The following SYNE1 variants were observed in gnomAD, a reference collection of about 807,000 sequenced individuals.
SYNE1 encodes the protein nesprin-1.
SYNE1 carries 616 observed loss-of-function variants against 1,111.0 expected under a neutral mutation model. The ratio of observed to expected loss-of-function variants is 0.55; its 90% CI spans 0.52 to 0.59. The LOEUF is 0.59. Ranked by LOEUF, SYNE1 falls within the 20% of genes least tolerant of loss-of-function variation. The pLI is 0.00. For synonymous variants in SYNE1, 3,855 were observed against 3,825.8 expected (o/e 1.01, Z -0.28); for missense variants, 10,006 against 10,417.0 (o/e 0.96, Z 1.72).
chr6:152,500,084 G>A (rs979771761), intron 10 of SYNE1, among the ~76,000 whole-genome samples: 1 of 152,120 alleles, frequency 6.6e-6, no homozygotes, highest in Non-Finnish European at 1.5e-5. Flanking sequence ...TAATGTCAGA[G>A]ACTCTAAAAC....
rs764450889 is a variant in SYNE1, at chr6:152,189,288, C to T, written c.23265G>A (p.Glu7755=). Residue 7755 remains glutamate, a synonymous_variant, in exon 128 of 146, where the codon GAG becomes GAA. Transcript: ENST00000367255. ...GTTCTTCCCACTGCCTTTGCAGAAG[C>T]TCTACGCGTTCATTAAGAATGGAGA... is the stretch of plus-strand genomic sequence containing the variant. ...DDISILNERV[E]LLQRQWEELC... The T allele has an allele frequency of 8.7e-6, 14 of 1,613,844 alleles. No individual in the cohort carries two copies. The East Asian group carries it at 2.2e-4, about 26-fold the overall frequency.
At chr6:152,508,430 C>T (rs1287739586) in intron 8 of SYNE1, among the ~76,000 whole-genome samples, 2 of 152,190 alleles carry the variant, frequency 1.3e-5, no homozygotes, top group East Asian at 3.8e-4. Flanking sequence ...CAGACTCTTG[C>T]ACATCTTTGA....
intron 95 of SYNE1, 119 bp downstream of exon 95, chr6:152,293,469 A>G (rs1339833380): frequency 7.7e-6 from 8 of 1,033,956 alleles, no homozygotes; most frequent in Non-Finnish European, 1.2e-5. Context: ...AAGAACTGAT[A>G]AGGTTAAAAA....
intron 55 of SYNE1, 180 bp from the exon 56 acceptor site, chr6:152,381,542 A>G (rs2097416298): frequency 2.9e-6 from 2 of 687,866 alleles, no homozygotes; most frequent in African/African-American, 1.8e-5. Context: ...TGTCATCACG[A>G]GTGCCTAAGG....
intron 93 of SYNE1, among the ~76,000 whole-genome samples, chr6:152,298,894 A>G: frequency 6.6e-6 from 1 of 152,170 alleles, no homozygotes; most frequent in East Asian, 1.9e-4. Context: ...TGTGTGTCTT[A>G]ATCTAAGTAA....
In SYNE1 at chr6:152,381,001, C is replaced by T; in HGVS notation, c.9009+5G>A. The T allele has an allele frequency of 1.2e-6, 2 of 1,613,770 alleles. No homozygotes were observed. The highest frequency in any genetic ancestry group is 1.7e-6 in the Non-Finnish European group (2 of 1,179,718). ...CCACCAATAGAAAACAGGAAGCCAA[C>T]TTACTTGTCCTTTGTGCCAGCATTC... On this transcript the variant is annotated splice_donor_5th_base_variant and intron_variant, in intron 56 of 145. Coordinates refer to ENST00000367255, the MANE Select transcript of SYNE1 (RefSeq NM_182961.4).
chr6:152,406,063 T>C (rs995396177), intron 45 of SYNE1, among the ~76,000 whole-genome samples: 9 of 152,132 alleles, frequency 5.9e-5, no homozygotes, highest in Non-Finnish European at 1.2e-4. Flanking sequence ...ATATTTTCAA[T>C]GTCTAAAACA....
chr6:152,522,345 A>G (rs1441834353), intron 5 of SYNE1, among the ~76,000 whole-genome samples: 3 of 152,138 alleles, frequency 2.0e-5, no homozygotes, highest in Non-Finnish European at 4.4e-5. Context: ...CGCTTAGAAT[A>G]ATGGCCTCCA....
At chr6:152,166,386 T>C (rs528001586) in intron 130 of SYNE1, among the ~76,000 whole-genome samples, 2 of 152,252 alleles carry the variant, frequency 1.3e-5, no homozygotes, top group Non-Finnish European at 2.9e-5. Flanking sequence ...AATTTTTATT[T>C]GATATTAAGT....
At position 152,517,842 on chromosome 6, in the gene SYNE1, A is replaced by C. The variant is rs768459984; in HGVS notation, c.309+2617T>G. 5.1e-4 allele frequency among the ~76,000 whole-genome samples: 77 copies of C among 152,170 alleles called. 2 individuals carry two copies. Among genetic ancestry groups the C allele is most frequent in the Admixed American group, 5.0e-3 (77 of 15,274 alleles). On this transcript the variant is annotated intron_variant, in intron 6 of 145. Coordinates refer to ENST00000367255, the MANE Select transcript of SYNE1 (RefSeq NM_182961.4). ...AGAAACTAGAGAGACTGGTTATCTA[A>C]AGGTAGGAAATGCAGTTAGAGGCAG...
chr6:152,443,421 C>T (rs1312854734), intron 30 of SYNE1, among the ~76,000 whole-genome samples: 7 of 152,078 alleles, frequency 4.6e-5, no homozygotes, highest in Admixed American at 2.0e-4. Flanking sequence ...CCCACCACCA[C>T]GCTCGGCTAA....
Position 152,357,467 on chromosome 6 carries a change from A to G in SYNE1, c.10608+906T>C, listed in dbSNP as rs146654217. ...ATGGCACATTTGTAAGTTCCAACAC[A>G]TCACTGGTGGGACATAAAGTGGTCT... On this transcript the variant is annotated intron_variant, in intron 66 of 145. Coordinates refer to ENST00000367255, the MANE Select transcript of SYNE1 (RefSeq NM_182961.4). Among the ~76,000 whole-genome samples the G allele has an allele frequency of 4.1e-4, 62 of 152,296 alleles. 1 individual carries two copies. The East Asian group carries it at 7.7e-3, about 19-fold the overall frequency.
At position 152,430,263 on chromosome 6, in the gene SYNE1, C is replaced by T. The variant is rs377417141; in HGVS notation, c.4690-53G>A. ...ACAGTGGGAAAGATACATAGCAAGA[C>T]AAAAAAAAAAGTTACTGAGAAAATG... On this transcript the variant is annotated intron_variant, in intron 35 of 145. Coordinates refer to ENST00000367255, the MANE Select transcript of SYNE1 (RefSeq NM_182961.4). 759 of 1,252,806 alleles carry T rather than the reference C, an allele frequency of 6.1e-4. 8 individuals are homozygous for T. In the South Asian group the frequency reaches 9.6e-3, roughly 16 times the overall value. 77.6% of individuals were successfully genotyped at this position (1,252,806 alleles called of 1,614,324 possible).
At chr6:152,236,666 T>C in intron 109 of SYNE1, 151 bp downstream of exon 109, 1 of 1,078,782 alleles carries the variant, frequency 9.3e-7, no homozygotes, top group Non-Finnish European at 1.4e-6. Context: ...AATGTCCAAC[T>C]ATAAATAACA....
intron 2 of SYNE1, among the ~76,000 whole-genome samples, chr6:152,633,482 G>C (rs1372072804): frequency 6.6e-6 from 1 of 152,202 alleles, no homozygotes; most frequent in Non-Finnish European, 1.5e-5. Flanking sequence ...TTACAACAAA[G>C]GAGGGCAAGT....
chr6:152,231,457 A>C lies in SYNE1; in HGVS notation c.20973T>G (p.Asp6991Glu). The C allele has an allele frequency of 1.3e-5, 21 of 1,614,142 alleles. No homozygotes were observed. The highest frequency in any genetic ancestry group is 1.7e-5 in the Non-Finnish European group (20 of 1,180,032). Residue 6991 changes from aspartate (D) to glutamate (E), a missense_variant, in exon 114 of 146, where the codon GAT (aspartate) becomes GAG (glutamate). By Grantham distance (45) the Asp-to-Glu change is conservative. Coordinates refer to ENST00000367255, the MANE Select transcript of SYNE1 (RefSeq NM_182961.4). ...DVESKRSDKT[D>E]FAEQLGAMNK... is the part of the protein sequence containing the mutation. ...TCATTGCTCCAAGTTGCTCAGCAAA[A>C]TCAGTCTTATCACTACGCTTACTTT...
chr6:152,471,503 A>C (rs2098805391), intron 16 of SYNE1, 94 bp downstream of exon 16: 1 of 1,267,466 alleles, frequency 7.9e-7, no homozygotes, highest in Admixed American at 1.8e-5. Flanking sequence ...TTATGTTTAA[A>C]TTCAAGAATT....
chr6:152,525,460 GA>G (rs2099159344), intron 5 of SYNE1, among the ~76,000 whole-genome samples: 1 of 152,046 alleles, frequency 6.6e-6, no homozygotes, highest in Non-Finnish European at 1.5e-5. Context: ...CTACTACTCT[GA>G]AATGAAAAAG....
In SYNE1 at chr6:152,552,917, G is replaced by A. The variant is rs183201742; in HGVS notation, c.68-12896C>T. ...GGGTTTCCACATGAGACAGCAGCTG[G>A]TGGATGTCACAAATAAATTTCCTGA... On this transcript the variant is annotated intron_variant, in intron 3 of 145. Transcript: ENST00000367255. Among the ~76,000 whole-genome samples, 11 of 152,234 alleles carry A rather than the reference G, an allele frequency of 7.2e-5. No individual in the cohort carries two copies. In the East Asian group the frequency reaches 1.5e-3, roughly 21 times the overall value.
Sources: gnomAD v4.1 joint callset for allele counts (sites outside exome capture counted in the v4.1 genomes callset) on GRCh38, gnomAD v4.1.1 for gene constraint, MANE v1.5 for transcripts, NCBI Gene and HGNC (gene_info 2026-07-23, HGNC 2026-07-21) for gene names.